Variants in ABCC2 observed in about 807,000 individuals in gnomAD.
ABCC2 encodes ATP-binding cassette sub-family C member 2.
ABCC2 carries 157 observed loss-of-function variants against 173.4 expected under a neutral mutation model. That is an observed-to-expected ratio of 0.91 (90% confidence interval 0.80 to 1.03). The LOEUF (loss-of-function observed/expected upper bound fraction) is 1.03. Ranked by LOEUF, ABCC2 falls within the 50% of genes least tolerant of loss-of-function variation. ABCC2 has a pLI of 0.00. For missense variants in ABCC2, 1,822 were observed against 1,852.3 expected (o/e 0.98, Z 0.30); for synonymous variants, 657 against 693.5 (o/e 0.95, Z 0.83).
intron 16 of ABCC2, among the ~76,000 whole-genome samples, chr10:99,814,188 C>A (rs1443530401): frequency 1.1e-5 from 1 of 88,662 alleles, no homozygotes; most frequent in African/African-American, 4.2e-5. Context: ...TGTATGTATA[C>A]ACACATGTGT....
At chr10:99,823,220 A>G (rs1395314456) in intron 19 of ABCC2, among the ~76,000 whole-genome samples, 1 of 152,100 alleles carries the variant, frequency 6.6e-6, no homozygotes, top group East Asian at 1.9e-4. Flanking sequence ...TCCATGTGAC[A>G]TCAAATTTGT....
At chr10:99,825,715 T>C (rs2038626507) in intron 19 of ABCC2, among the ~76,000 whole-genome samples, 1 of 152,272 alleles carries the variant, frequency 6.6e-6, no homozygotes. Context: ...TTCCCAAGAT[T>C]AGTCCTACAG....
At chr10:99,827,850 AC>A (rs1301468542) in intron 19 of ABCC2, among the ~76,000 whole-genome samples, 1 of 143,892 alleles carries the variant, frequency 6.9e-6, no homozygotes, top group Non-Finnish European at 1.5e-5. Flanking sequence ...TCACAAGCTT[AC>A]CGTACGGCTG....
Position 99,819,233 on chromosome 10 carries a change from T to A in ABCC2, c.2584T>A (p.Phe862Ile). 1 of 1,614,032 alleles carries A rather than the reference T, an allele frequency of 6.2e-7. No individual in the cohort carries two copies. Among genetic ancestry groups the A allele is most frequent in the Non-Finnish European group, 8.5e-7 (1 of 1,180,020 alleles). ...KGEFAKNLKT[F>I]LRHTGPEEEA... Reference sequence around the variant, plus strand: ...AGAGTTTGCTAAGAATCTGAAGACATTTCTAAGACATACAGGCCCTGAAGA... The same window carrying A: ...AGAGTTTGCTAAGAATCTGAAGACAATTCTAAGACATACAGGCCCTGAAGA... Residue 862 changes from phenylalanine to isoleucine, a missense_variant, in exon 19 of 32, where the codon TTT becomes ATT. Coordinates refer to ENST00000647814, the MANE Select transcript of ABCC2 (RefSeq NM_000392.5).
chr10:99,823,034 A>G (rs1364487125), intron 19 of ABCC2, among the ~76,000 whole-genome samples: 1 of 151,906 alleles, frequency 6.6e-6, no homozygotes, highest in African/African-American at 2.4e-5. Flanking sequence ...TGAAATGTGA[A>G]TAAGTATCAA....
intron 7 of ABCC2, 139 bp from the exon 8 acceptor site, chr10:99,799,068 C>A: frequency 1.2e-6 from 1 of 867,004 alleles, no homozygotes; most frequent in Non-Finnish European, 1.9e-6. Flanking sequence ...GCTAGAAGGG[C>A]AGAAGCAACT....
intron 2 of ABCC2, among the ~76,000 whole-genome samples, chr10:99,790,673 T>C (rs1439196272): frequency 6.6e-6 from 1 of 152,190 alleles, no homozygotes; most frequent in African/African-American, 2.4e-5. Flanking sequence ...TACATTTTTT[T>C]CCCAAAACCT....
chr10:99,828,735 A>G (rs577326419), intron 19 of ABCC2, among the ~76,000 whole-genome samples: 1 of 152,240 alleles, frequency 6.6e-6, no homozygotes, highest in Admixed American at 6.5e-5. Context: ...CTTTGAAACA[A>G]TAAGTGTCTC....
chr10:99,842,481 C>T (rs1011164331), intron 26 of ABCC2, among the ~76,000 whole-genome samples: 2 of 151,984 alleles, frequency 1.3e-5, no homozygotes, highest in African/African-American at 4.8e-5. Flanking sequence ...TTTCTTAGAT[C>T]GTAGAATAAT....
At chr10:99,827,446 G>C (rs1287753862) in intron 19 of ABCC2, among the ~76,000 whole-genome samples, 1 of 152,130 alleles carries the variant, frequency 6.6e-6, no homozygotes, top group African/African-American at 2.4e-5. Context: ...ATTTCTTTCT[G>C]GGATTTTTTC....
At chr10:99,787,915 T>G (rs7922379) in intron 2 of ABCC2, among the ~76,000 whole-genome samples, 87,564 of 151,346 alleles carry the variant, frequency 0.58, 25,564 homozygotes, top group East Asian at 0.77. Flanking sequence ...TTAAAAAAAT[T>G]CACCAGGCAT....
At chr10:99,842,555 A>G (rs2038963142) in intron 26 of ABCC2, among the ~76,000 whole-genome samples, 1 of 152,212 alleles carries the variant, frequency 6.6e-6, no homozygotes, top group Admixed American at 6.5e-5. Context: ...TCACTGCAGC[A>G]TCCCCAGCAT....
intron 19 of ABCC2, among the ~76,000 whole-genome samples, chr10:99,821,192 T>C (rs1400632256): frequency 3.9e-5 from 6 of 152,264 alleles, no homozygotes; most frequent in Admixed American, 3.9e-4. Context: ...TACAAAGCAG[T>C]ATTGCTGCCT....
intron 25 of ABCC2, among the ~76,000 whole-genome samples, chr10:99,836,712 C>T (rs1169444992): frequency 6.6e-6 from 1 of 152,210 alleles, no homozygotes; most frequent in Non-Finnish European, 1.5e-5. Flanking sequence ...ATAGTCATGA[C>T]ACTCTTTCTG....
Position 99,847,131 on chromosome 10 carries a change from A to C in ABCC2, c.4313+4A>C. ...CAGAGGCTGGTGGCAACCTGAGGTA[A>C]TGTTCCATAGCCTGCTACCCCTGCA... is the stretch of plus-strand genomic sequence containing the variant. On this transcript the variant is annotated splice_donor_region_variant and intron_variant, in intron 30 of 31. Transcript: ENST00000647814. 1 of 1,614,054 alleles carries C rather than the reference A, an allele frequency of 6.2e-7. No homozygotes were observed.
chr10:99,829,598 T>C (rs1349006157), intron 19 of ABCC2, among the ~76,000 whole-genome samples: 1 of 152,222 alleles, frequency 6.6e-6, no homozygotes, highest in Non-Finnish European at 1.5e-5. Context: ...TTTAAATTAA[T>C]ATAAGTTTGT....
In ABCC2 at chr10:99,834,442, G is replaced by A. The variant is rs138937911; in HGVS notation, c.3321G>A (p.Leu1107=). ...TGCGCAGCTGGATTACATGCTTCCT[G>A]GGGATAATCAGCACCCTTGTCATGA... is the stretch of plus-strand genomic sequence containing the variant. ...QSLRSWITCF[L]GIISTLVMIC... Residue 1107 remains leucine (L), a synonymous_variant, in exon 24 of 32, where the codon CTG becomes CTA. Transcript: ENST00000647814. The A allele has an allele frequency of 3.1e-6, 5 of 1,614,028 alleles. No individual in the cohort carries two copies. The South Asian group carries it at 4.4e-5, about 14-fold the overall frequency.
rs764390911 is a variant in ABCC2 at position 99,792,258 on chromosome 10, C to T, written c.232C>T (p.Leu78=). 4.7e-5 allele frequency: 76 copies of T among 1,613,948 alleles called. No individual in the cohort carries two copies. The Middle Eastern group carries it at 4.9e-4, about 10-fold the overall frequency. ...KQVFVGFLLI[L]AAIELALVLT... ...GGTATTCGTTGGTTTTCTTCTTATT[C>T]TAGCAGCCATAGAGCTGGCCCTTGT... Residue 78 remains leucine (L), a synonymous_variant, in exon 3 of 32, where the codon CTA becomes TTA. Transcript: ENST00000647814.
chr10:99,820,221 G>A (rs1303947239), intron 19 of ABCC2, among the ~76,000 whole-genome samples: 5 of 152,112 alleles, frequency 3.3e-5, no homozygotes, highest in African/African-American at 4.8e-5. Context: ...GAGAAACCCC[G>A]TCTCTACTAA....
Sources: gnomAD v4.1 joint callset for allele counts (sites outside exome capture counted in the v4.1 genomes callset) on GRCh38, gnomAD v4.1.1 for gene constraint, MANE v1.5 for transcripts, NCBI Gene and HGNC (gene_info 2026-07-23, HGNC 2026-07-21) for gene names.